CLVS1: variants seen among roughly 807,000 people sequenced by gnomAD.
The protein encoded by CLVS1 is clavesin 1, also known as clavesin-1.
A neutral mutation model predicts 33.1 loss-of-function variants in CLVS1; 10 were observed. That is an observed-to-expected ratio of 0.30 (90% CI 0.19 to 0.51). The LOEUF is 0.51. CLVS1 is among the 20% of genes least tolerant of loss of function. CLVS1 has a pLI of 0.97. For synonymous variants in CLVS1, 163 were observed against 166.1 expected (o/e 0.98, Z 0.14); for missense variants, 343 against 433.4 (o/e 0.79, Z 1.85).
chr8:61,072,859 C>T (rs1367290548), intron 1 of CLVS1, among the ~76,000 whole-genome samples: 1 of 152,200 alleles, frequency 6.6e-6, no homozygotes, highest in African/African-American at 2.4e-5. Context: ...TATCTCAAGT[C>T]TCTGGGAAAA....
At chr8:61,456,048 G>A (rs1215684002) in intron 4 of CLVS1, among the ~76,000 whole-genome samples, 1 of 152,224 alleles carries the variant, frequency 6.6e-6, no homozygotes, top group African/African-American at 2.4e-5. Flanking sequence ...TCTCAACATG[G>A]CTTCAGGCTT....
intron 2 of CLVS1, among the ~76,000 whole-genome samples, chr8:61,281,352 TA>T (rs1190114464): frequency 6.6e-6 from 1 of 152,090 alleles, no homozygotes; most frequent in Admixed American, 6.6e-5. Flanking sequence ...ATGGGGCCTC[TA>T]AGGAAGTAAT....
At chr8:61,026,866 T>A in the CLVS1 span, among the ~76,000 whole-genome samples, 12 of 152,196 alleles carry the variant, frequency 7.9e-5, no homozygotes, top group Admixed American at 7.9e-4. Context: ...TTACCACACC[T>A]GTCTATGCCA....
intron 2 of CLVS1, among the ~76,000 whole-genome samples, chr8:61,323,888 G>A (rs940504831): frequency 1.3e-5 from 2 of 152,092 alleles, no homozygotes; most frequent in Non-Finnish European, 2.9e-5. Context: ...GTCAGAACAT[G>A]CAGTGTTTTG....
intron 3 of CLVS1, among the ~76,000 whole-genome samples, chr8:61,414,958 C>T (rs996232070): frequency 3.9e-5 from 6 of 152,218 alleles, no homozygotes; most frequent in African/African-American, 1.4e-4. Context: ...ATTCTCCTTA[C>T]TTCATTGTAA....
At chr8:61,121,443 G>GTGTGTT (rs1805869579) in intron 1 of CLVS1, among the ~76,000 whole-genome samples, 1 of 152,206 alleles carries the variant, frequency 6.6e-6, no homozygotes, top group Non-Finnish European at 1.5e-5. Context: ...TACTCTGTGT[G>GTGTGTT]TGTGTTTGTG....
the CLVS1 span, among the ~76,000 whole-genome samples, chr8:61,033,106 A>G: frequency 9.1e-4 from 45 of 49,428 alleles, 5 homozygotes; most frequent in Middle Eastern, 0.014. Flanking sequence ...AAAGATAGAA[A>G]GAAAGAAGGA....
At chr8:61,141,316 C>A (rs995017151) in intron 2 of CLVS1, among the ~76,000 whole-genome samples, 2 of 152,014 alleles carry the variant, frequency 1.3e-5, no homozygotes, top group African/African-American at 4.8e-5. Context: ...TACCTTATAA[C>A]CTCAGTTGTA....
At chr8:61,485,722 T>A (rs13269843) in intron 5 of CLVS1, among the ~76,000 whole-genome samples, 2 of 152,028 alleles carry the variant, frequency 1.3e-5, no homozygotes, top group African/African-American at 2.4e-5. Flanking sequence ...TAGATTGGAT[T>A]AAGAAAATGT....
At chr8:60,978,956 G>A in the CLVS1 span, among the ~76,000 whole-genome samples, 1 of 151,976 alleles carries the variant, frequency 6.6e-6, no homozygotes, top group Admixed American at 6.6e-5. Flanking sequence ...TTTTATTAGT[G>A]GATTCTCACA....
intron 1 of CLVS1, among the ~76,000 whole-genome samples, chr8:61,128,335 T>A (rs571770375): frequency 1.5e-3 from 223 of 152,368 alleles, no homozygotes; most frequent in South Asian, 2.7e-3. Flanking sequence ...TCATCATCAT[T>A]TGGATGCTTT....
At chr8:61,205,935 T>C (rs2978531) in intron 2 of CLVS1, among the ~76,000 whole-genome samples, 46,837 of 152,084 alleles carry the variant, frequency 0.31, 7,420 homozygotes, top group Admixed American at 0.35. Flanking sequence ...TGATAGTTAC[T>C]TGACTAGTTC....
chr8:61,480,801 C>A (rs767142001), intron 5 of CLVS1, among the ~76,000 whole-genome samples: 2 of 152,072 alleles, frequency 1.3e-5, no homozygotes, highest in Non-Finnish European at 2.9e-5. Flanking sequence ...TACAGACGTG[C>A]ATGGGCTTGA....
the CLVS1 span, among the ~76,000 whole-genome samples, chr8:60,985,531 G>A: frequency 1.3e-5 from 2 of 152,068 alleles, no homozygotes; most frequent in South Asian, 2.1e-4. Flanking sequence ...TGTGCAGTTG[G>A]CTCCACACTA....
intron 1 of CLVS1, among the ~76,000 whole-genome samples, chr8:61,093,350 T>G (rs1003118285): frequency 6.6e-6 from 1 of 152,150 alleles, no homozygotes; most frequent in Non-Finnish European, 1.5e-5. Flanking sequence ...TGCAACAATT[T>G]GTAATGCAGC....
chr8:61,238,732 C>T (rs556481193), intron 2 of CLVS1, among the ~76,000 whole-genome samples: 2 of 152,250 alleles, frequency 1.3e-5, no homozygotes, highest in East Asian at 1.9e-4. Flanking sequence ...TGCAATTTTT[C>T]GTGCTATTAA....
intron 2 of CLVS1, among the ~76,000 whole-genome samples, chr8:61,210,711 C>A (rs765684496): frequency 4.6e-5 from 7 of 152,148 alleles, no homozygotes; most frequent in Non-Finnish European, 1.0e-4. Context: ...AGAAATAAGT[C>A]CTGCCTGGAC....
At position 61,246,029 on chromosome 8, in the gene CLVS1, C is replaced by T. The variant is rs568141570; in HGVS notation, c.-151-53648C>T. ...TCATATGATCCTCCTGTCTTTGCCT[C>T]CCAAAGTTTTGGGATTATAGGTGTG... On this transcript the variant is annotated intron_variant, in intron 2 of 2. Transcript: ENST00000522621. 5.9e-5 allele frequency among the ~76,000 whole-genome samples: 9 copies of T among 152,034 alleles called. No homozygotes were observed. In the East Asian group the frequency reaches 1.4e-3, roughly 23 times the overall value.
intron 5 of CLVS1, among the ~76,000 whole-genome samples, chr8:61,474,905 C>A (rs1421944060): frequency 2.0e-5 from 3 of 152,220 alleles, no homozygotes; most frequent in Non-Finnish European, 4.4e-5. Flanking sequence ...GTTAACTCGT[C>A]ATTTAGCATT....
Sources: allele counts gnomAD v4.1 joint callset (sites outside exome capture counted in the v4.1 genomes callset), GRCh38; gene constraint gnomAD v4.1.1; transcripts MANE v1.5; gene names NCBI Gene and HGNC (gene_info 2026-07-23, HGNC 2026-07-21).